The following NCK2 variants were observed in gnomAD, a reference collection of about 807,000 sequenced individuals.
NCK2 encodes cytoplasmic protein NCK2.
In NCK2, 16 loss-of-function variants were observed where a neutral mutation model predicts 33.9. The observed-to-expected ratio is 0.47, with a 90% confidence interval of 0.32 to 0.72. The LOEUF is 0.72. Among genes scored for constraint, NCK2 ranks in the 30% least tolerant of loss-of-function variants. NCK2 has a pLI of 0.03. For synonymous variants in NCK2, 273 were observed against 239.9 expected (o/e 1.14, Z -1.27); for missense variants, 418 against 537.3 (o/e 0.78, Z 2.19).
chr2:105,787,407 C>T (rs565988323), intron 1 of NCK2, among the ~76,000 whole-genome samples: 66 of 152,218 alleles, frequency 4.3e-4, no homozygotes, highest in Middle Eastern at 6.8e-3. Context: ...AGAGTAGGGC[C>T]CCCATAATGG....
chr2:105,882,096 C>T, intron 4 of NCK2, 47 bp downstream of exon 4: 5 of 1,466,162 alleles, frequency 3.4e-6, no homozygotes, highest in Non-Finnish European at 4.5e-6. Context: ...GTAAATGCGC[C>T]TTGCGCGGTG....
intron 1 of NCK2, among the ~76,000 whole-genome samples, chr2:105,812,503 T>C (rs1281270807): frequency 6.6e-6 from 1 of 152,214 alleles, no homozygotes; most frequent in African/African-American, 2.4e-5. Context: ...CCGTGCTGTG[T>C]TGGGCTGGCA....
chr2:105,785,573 C>T (rs915909854), intron 1 of NCK2, among the ~76,000 whole-genome samples: 1 of 152,200 alleles, frequency 6.6e-6, no homozygotes, highest in Non-Finnish European at 1.5e-5. Flanking sequence ...CCGCTGTGAA[C>T]AGTAAAGGGA....
At chr2:105,873,767 G>A (rs868443129) in intron 3 of NCK2, among the ~76,000 whole-genome samples, 3 of 152,176 alleles carry the variant, frequency 2.0e-5, no homozygotes, top group Admixed American at 6.5e-5. Context: ...AAGTACGATT[G>A]GATCCAGGGG....
chr2:105,882,976 A>G (rs1678569117), intron 4 of NCK2, among the ~76,000 whole-genome samples: 1 of 152,188 alleles, frequency 6.6e-6, no homozygotes, highest in South Asian at 2.1e-4. Context: ...TACTGGCACA[A>G]TGAATAAGTG....
intron 2 of NCK2, among the ~76,000 whole-genome samples, chr2:105,852,449 C>G (rs1677105054): frequency 6.6e-6 from 1 of 152,066 alleles, no homozygotes; most frequent in African/African-American, 2.4e-5. Context: ...CATAAAGATA[C>G]TGATATAATT....
intron 2 of NCK2, among the ~76,000 whole-genome samples, chr2:105,835,100 T>C (rs985384374): frequency 6.6e-6 from 1 of 152,044 alleles, no homozygotes; most frequent in African/African-American, 2.4e-5. Flanking sequence ...TGTGGTTTGC[T>C]GGTTTTCTTC....
chr2:105,764,340 C>G (rs1050322404), intron 1 of NCK2, among the ~76,000 whole-genome samples: 2 of 152,216 alleles, frequency 1.3e-5, no homozygotes, highest in South Asian at 2.1e-4. Flanking sequence ...CCCCACAGCT[C>G]GAGTGGAAAT....
chr2:105,872,031 A>G (rs148638031), intron 3 of NCK2, among the ~76,000 whole-genome samples: 64 of 152,360 alleles, frequency 4.2e-4, no homozygotes, highest in Non-Finnish European at 8.8e-5. Context: ...CTTTTTCTCC[A>G]TGGTGGTCAG....
intron 2 of NCK2, among the ~76,000 whole-genome samples, chr2:105,824,989 G>T (rs1390300753): frequency 1.3e-5 from 2 of 152,214 alleles, no homozygotes; most frequent in Non-Finnish European, 2.9e-5. Flanking sequence ...CTGCAGGCAA[G>T]TGATGCTGCC....
At position 105,795,806 on chromosome 2, in the gene NCK2, C is replaced by T. The variant is rs559596991; in HGVS notation, c.-200-20624C>T. On this transcript the variant is annotated intron_variant, in intron 1 of 4. Transcript: ENST00000233154. ...GGTATTTGAGTCATTATTCCTCCCTCTAGACCTCTCCCTCCTCCCTAACTT... is the reference window on the plus strand; with the variant it reads ...GGTATTTGAGTCATTATTCCTCCCTTTAGACCTCTCCCTCCTCCCTAACTT... Among the ~76,000 whole-genome samples the T allele has an allele frequency of 3.9e-5, 6 of 152,296 alleles. No individual in the cohort carries two copies. In the South Asian group the frequency reaches 1.0e-3, roughly 26 times the overall value.
chr2:105,779,913 C>T (rs1394297182), intron 1 of NCK2, among the ~76,000 whole-genome samples: 1 of 152,178 alleles, frequency 6.6e-6, no homozygotes, highest in Non-Finnish European at 1.5e-5. Context: ...ACCGCCTTCA[C>T]CCTCTCATTC....
chr2:105,871,189 G>A (rs752627258), intron 3 of NCK2, among the ~76,000 whole-genome samples: 9 of 152,002 alleles, frequency 5.9e-5, no homozygotes, highest in Non-Finnish European at 8.8e-5. Flanking sequence ...CTGAGGCCAC[G>A]ATGGTGACTT....
At chr2:105,744,875 C>CGCCGCCGCCGCCGCCGCCGCCGCT (rs1689213077), upstream of NCK2, 11 of 160,698 alleles carry the variant, frequency 6.8e-5, 1 homozygote, top group Admixed American at 5.4e-4. Flanking sequence ...TCGCCGCCGC[C>CGCCGCCGCCGCCGCCGCCGCCGCT]GCCGCCGCCG....
intron 3 of NCK2, among the ~76,000 whole-genome samples, chr2:105,877,180 C>T (rs1359216208): frequency 2.0e-5 from 3 of 152,174 alleles, no homozygotes; most frequent in Non-Finnish European, 4.4e-5. Flanking sequence ...GCATTTTTCT[C>T]TTCCCACTCC....
At chr2:105,823,339 T>G (rs1675821589) in intron 2 of NCK2, among the ~76,000 whole-genome samples, 1 of 151,844 alleles carries the variant, frequency 6.6e-6, no homozygotes, top group South Asian at 2.1e-4. Context: ...GCGTGTCTGG[T>G]GGAGGGTGTG....
At position 105,893,166 on chromosome 2, in the gene NCK2, C is replaced by T; in HGVS notation, c.1133C>T (p.Ala378Val). ...GGGGAGAAGCTCTACCTCGTCAGGGCCCTGCAGTGACGGCGCCCCGGCCCC... is the reference window on the plus strand; with the variant it reads ...GGGGAGAAGCTCTACCTCGTCAGGGTCCTGCAGTGACGGCGCCCCGGCCCC... ...EHGEKLYLVR[A>V]LQ Residue 378 changes from alanine (A) to valine (V), a missense_variant, in exon 5 of 5, where the codon GCC becomes GTC. Ala to Val is a moderately conservative substitution (Grantham distance 64, BLOSUM62 0). Transcript: ENST00000233154. 3 of 1,599,364 alleles carry T rather than the reference C, an allele frequency of 1.9e-6. No homozygotes were observed. The highest frequency in any genetic ancestry group is 2.6e-6 in the Non-Finnish European group (3 of 1,172,582).
chr2:105,791,657 C>A (rs1690888562), intron 1 of NCK2, among the ~76,000 whole-genome samples: 1 of 152,152 alleles, frequency 6.6e-6, no homozygotes. Context: ...TCATAGTGAC[C>A]TCTTGAAGTG....
intron 4 of NCK2, among the ~76,000 whole-genome samples, chr2:105,892,166 A>G (rs981436255): frequency 1.1e-4 from 17 of 152,216 alleles, no homozygotes; most frequent in African/African-American, 4.1e-4. Flanking sequence ...CCTGGGCAAC[A>G]AAAGCAAAAC....
Sources: allele counts gnomAD v4.1 joint callset (sites outside exome capture counted in the v4.1 genomes callset), GRCh38; gene constraint gnomAD v4.1.1; transcripts MANE v1.5; gene names NCBI Gene and HGNC (gene_info 2026-07-23, HGNC 2026-07-21).